The following HVCN1 variants were observed in gnomAD, a reference collection of about 807,000 sequenced individuals.
The protein encoded by HVCN1 is hydrogen voltage gated channel 1.
A neutral mutation model predicts 29.2 loss-of-function variants in HVCN1; 14 were observed. The observed-to-expected ratio is 0.48, with a 90% confidence interval of 0.32 to 0.75. The LOEUF (loss-of-function observed/expected upper bound fraction) is 0.75. HVCN1 is among the 30% of genes least tolerant of loss of function. The pLI is 0.04. For missense variants in HVCN1, 263 were observed against 341.8 expected, an observed-to-expected ratio of 0.77 and a Z score of 1.82; for synonymous variants, 131 against 133.2, an observed-to-expected ratio of 0.98 and a Z score of 0.11.
At chr12:110,701,942 TTTC>T (rs142724187) in intron 2 of HVCN1, among the ~76,000 whole-genome samples, 13,512 of 150,624 alleles carry the variant, frequency 0.09, 667 homozygotes, top group African/African-American at 0.12. Context: ...CCCGGTAGCT[TTTC>T]TTTTTTCTTT....
At chr12:110,670,865 G>A (rs990069119) in intron 3 of HVCN1, among the ~76,000 whole-genome samples, 1 of 152,110 alleles carries the variant, frequency 6.6e-6, no homozygotes, top group Non-Finnish European at 1.5e-5. Context: ...GATTTAGGGT[G>A]GGCCCTAAAT....
chr12:110,659,824 T>C (rs1206567293), intron 4 of HVCN1, among the ~76,000 whole-genome samples: 1 of 152,126 alleles, frequency 6.6e-6, no homozygotes, highest in Non-Finnish European at 1.5e-5. Context: ...TCCCAGCACT[T>C]TGGGAGGCTG....
intron 3 of HVCN1, among the ~76,000 whole-genome samples, chr12:110,677,289 CACCTT>C (rs1235712583): frequency 6.6e-6 from 1 of 152,134 alleles, no homozygotes; most frequent in Non-Finnish European, 1.5e-5. Context: ...CCCATCTTCT[CACCTT>C]CCCTCTCACC....
At position 110,683,258 on chromosome 12, in the gene HVCN1, T is replaced by C. The variant is rs1206832466; in HGVS notation, c.-13A>G. 1 of 1,605,750 alleles carries C rather than the reference T, an allele frequency of 6.2e-7. No individual in the cohort carries two copies. The highest frequency in any genetic ancestry group is 2.2e-5 in the East Asian group (1 of 44,782). ...CCCAGGTGGCCATGTCCCTGTTGCC[T>C]CTGGATCTGAAAAATAAAAAGACAT... On this transcript the variant is annotated 5_prime_UTR_variant, in exon 3 of 8. Transcript: ENST00000242607.
At chr12:110,677,544 A>G (rs2068788523) in intron 3 of HVCN1, among the ~76,000 whole-genome samples, 1 of 152,010 alleles carries the variant, frequency 6.6e-6, no homozygotes. Flanking sequence ...CCTGCTAAAC[A>G]TACCTCCTGG....
chr12:110,689,094 G>C lies in HVCN1; in HGVS notation c.-118C>G, dbSNP rs1423073399. On this transcript the variant is annotated 5_prime_UTR_variant, in exon 1 of 8. Transcript: ENST00000242607. The surrounding 1 kb of genome is among the most constrained non-coding windows in gnomAD (Gnocchi z 5.7). ...CGAGCACTTACCCGGCGCCCCACCC[G>C]CCCGCGGTCACCGCTGCGACTGGGA... is the stretch of plus-strand genomic sequence containing the variant. 7.1e-6 allele frequency: 1 copy of C among 141,442 alleles called. No individual in the cohort carries two copies. Among genetic ancestry groups the C allele is most frequent in the African/African-American group, 2.6e-5 (1 of 37,764 alleles). The allele number at this position is 141,442 out of a possible 1,614,324, so 8.8% of individuals were successfully genotyped here.
At chr12:110,666,422 A>AAAAAG (rs59983139) in intron 3 of HVCN1, among the ~76,000 whole-genome samples, 3,094 of 151,856 alleles carry the variant, frequency 0.02, 43 homozygotes, top group African/African-American at 0.038. Context: ...GACTCCGCCT[A>AAAAAG]AAAAGAAAAG....
At chr12:110,674,518 C>G (rs899597583) in intron 3 of HVCN1, among the ~76,000 whole-genome samples, 1 of 152,164 alleles carries the variant, frequency 6.6e-6, no homozygotes, top group Admixed American at 6.5e-5. Context: ...TGTGTCTCCA[C>G]CCAAATCTTA....
intron 3 of HVCN1, among the ~76,000 whole-genome samples, chr12:110,662,574 G>C (rs147325331): frequency 6.6e-6 from 1 of 152,104 alleles, no homozygotes; most frequent in Admixed American, 6.6e-5. Flanking sequence ...GTATAGTGGC[G>C]CATGCCTGTA....
chr12:110,690,787 C>A (rs967587896), upstream of HVCN1, among the ~76,000 whole-genome samples: 1 of 151,558 alleles, frequency 6.6e-6, no homozygotes, highest in Admixed American at 6.6e-5. Flanking sequence ...AACAGTCTCA[C>A]TCTGTGGCCC....
chr12:110,654,506 T>C (rs1022883484), intron 5 of HVCN1, among the ~76,000 whole-genome samples: 1 of 148,480 alleles, frequency 6.7e-6, no homozygotes, highest in Non-Finnish European at 1.5e-5. Context: ...GAGACGGAGT[T>C]TTGCTCTTGT....
chr12:110,685,997 T>C (rs1331912971), intron 2 of HVCN1, among the ~76,000 whole-genome samples: 2 of 151,958 alleles, frequency 1.3e-5, no homozygotes, highest in Admixed American at 6.6e-5. Flanking sequence ...ATGTAACTTC[T>C]ATAATTTTTT....
chr12:110,683,141 C>G lies in HVCN1; in HGVS notation c.21+84G>C, dbSNP rs1333498971. The G allele has an allele frequency of 6.4e-6, 10 of 1,556,506 alleles. No homozygotes were observed. In the East Asian group the frequency reaches 2.2e-4, roughly 35 times the overall value. ...GGAAACACCTGAACAGGGAGTTCTC[C>G]CTCTCCTGTTTGAAACACCAAACAG... is the stretch of plus-strand genomic sequence containing the variant. On this transcript the variant is annotated intron_variant, in intron 3 of 7. Coordinates refer to ENST00000242607, the MANE Select transcript of HVCN1 (RefSeq NM_032369.4).
At chr12:110,693,939 A>G (rs2069451746), upstream of HVCN1, among the ~76,000 whole-genome samples, 1 of 152,214 alleles carries the variant, frequency 6.6e-6, no homozygotes, top group Non-Finnish European at 1.5e-5. Context: ...TTTGGGCAAT[A>G]CCAAAGCAGT....
rs181988031 is a variant in HVCN1 at position 110,679,263 on chromosome 12, A to C, written c.21+3962T>G. 8.5e-5 allele frequency among the ~76,000 whole-genome samples: 13 copies of C among 152,324 alleles called. No individual in the cohort carries two copies. In the East Asian group the frequency reaches 2.5e-3, roughly 29 times the overall value. On this transcript the variant is annotated intron_variant, in intron 3 of 7. Coordinates refer to ENST00000242607, the MANE Select transcript of HVCN1 (RefSeq NM_032369.4). Reference sequence around the variant, plus strand: ...GCAGCCGAGGTGGGTAAGGAACCCCAGTTGCACCAAGGGCCTCTGCATGCC... The same window carrying C: ...GCAGCCGAGGTGGGTAAGGAACCCCCGTTGCACCAAGGGCCTCTGCATGCC...
At chr12:110,674,853 A>C (rs1335805759) in intron 3 of HVCN1, among the ~76,000 whole-genome samples, 3 of 152,212 alleles carry the variant, frequency 2.0e-5, no homozygotes, top group Non-Finnish European at 4.4e-5. Flanking sequence ...TTTATCCCTA[A>C]GAAATTGCCA....
intron 2 of HVCN1, among the ~76,000 whole-genome samples, chr12:110,701,570 C>G (rs2069564239): frequency 6.6e-6 from 1 of 152,048 alleles, no homozygotes; most frequent in African/African-American, 2.4e-5. Flanking sequence ...TAAAACAGGT[C>G]CCTGAGCTGG....
In HVCN1 at chr12:110,649,135, C is replaced by T; in HGVS notation, c.*275G>A. 1 of 669,994 alleles carries T rather than the reference C, an allele frequency of 1.5e-6. No homozygotes were observed. Among genetic ancestry groups the T allele is most frequent in the Non-Finnish European group, 2.7e-6 (1 of 368,296 alleles). 41.5% of individuals were successfully genotyped at this position (669,994 alleles called of 1,614,324 possible). ...AATTTTATATACAACTAGCAATTGT[C>T]CAGCTTTGTTGCTCATTTTCAATTA... On this transcript the variant is annotated 3_prime_UTR_variant, in exon 8 of 8. Transcript: ENST00000242607.
At chr12:110,675,635 G>T (rs1593501531) in intron 3 of HVCN1, among the ~76,000 whole-genome samples, 1 of 152,078 alleles carries the variant, frequency 6.6e-6, no homozygotes, top group Non-Finnish European at 1.5e-5. Context: ...ACTGGGAGTG[G>T]TGGCTCATGC....
Sources: allele counts gnomAD v4.1 joint callset (sites outside exome capture counted in the v4.1 genomes callset), GRCh38; gene constraint gnomAD v4.1.1; non-coding constraint Gnocchi (gnomAD v3.1); transcripts MANE v1.5; gene names NCBI Gene and HGNC (gene_info 2026-07-23, HGNC 2026-07-21).